The following CFAP20 variants were observed in gnomAD, a reference collection of about 807,000 sequenced individuals.
CFAP20 encodes the protein cilia and flagella associated protein 20.
CFAP20 carries 14 observed loss-of-function variants against 25.5 expected under a neutral mutation model. The observed-to-expected ratio is 0.55, with a 90% CI of 0.36 to 0.86. CFAP20 has a LOEUF of 0.86. Ranked by LOEUF, CFAP20 falls within the 40% of genes least tolerant of loss-of-function variation. CFAP20 has a pLI of 0.01. For missense variants in CFAP20, 181 were observed against 248.0 expected (o/e 0.73, Z 1.81); for synonymous variants, 75 against 91.1 (o/e 0.82, Z 1.01).
chr16:58,115,130 T>C (rs914199480), intron 4 of CFAP20, 139 bp downstream of exon 4: 30 of 1,272,730 alleles, frequency 2.4e-5, no homozygotes, highest in Non-Finnish European at 3.4e-5. Context: ...CCTGGACCTT[T>C]GTGAGGCCAA....
At chr16:58,123,997 T>G (rs139367692) in intron 1 of CFAP20, among the ~76,000 whole-genome samples, 1 of 152,018 alleles carries the variant, frequency 6.6e-6, no homozygotes, top group Non-Finnish European at 1.5e-5. Flanking sequence ...GAGTGAGGCT[T>G]GTGGGGTGGT....
intron 1 of CFAP20, among the ~76,000 whole-genome samples, chr16:58,126,606 G>T (rs1567449342): frequency 6.6e-6 from 1 of 152,156 alleles, no homozygotes; most frequent in Non-Finnish European, 1.5e-5. Flanking sequence ...ACTGGCAAAA[G>T]TCAAGGTCAT....
intron 1 of CFAP20, among the ~76,000 whole-genome samples, chr16:58,125,929 A>G (rs892968867): frequency 6.6e-6 from 1 of 151,666 alleles, no homozygotes; most frequent in Non-Finnish European, 1.5e-5. Context: ...TTATGGCACC[A>G]CTGTCATGTG....
intron 1 of CFAP20, among the ~76,000 whole-genome samples, chr16:58,124,640 AACGATAAAAAGTGAC>A (rs1174370200): frequency 1.2e-4 from 19 of 152,266 alleles, no homozygotes; most frequent in Admixed American, 1.2e-3. Flanking sequence ...GTACTGTATA[AACGATAAAAAGTGAC>A]ACAACTGGAT....
intron 1 of CFAP20, among the ~76,000 whole-genome samples, chr16:58,127,972 A>C (rs1960642628): frequency 6.6e-6 from 1 of 152,154 alleles, no homozygotes; most frequent in Non-Finnish European, 1.5e-5. Flanking sequence ...TTACCAATAA[A>C]TCCTACTGAG....
intron 1 of CFAP20, among the ~76,000 whole-genome samples, chr16:58,123,184 G>A (rs895420893): frequency 2.6e-5 from 4 of 151,448 alleles, no homozygotes; most frequent in African/African-American, 7.3e-5. Flanking sequence ...TAGTAGAGAC[G>A]GGATTTCTTC....
At chr16:58,124,070 T>C (rs1597088930) in intron 1 of CFAP20, among the ~76,000 whole-genome samples, 3 of 152,236 alleles carry the variant, frequency 2.0e-5, no homozygotes, top group Admixed American at 2.0e-4. Flanking sequence ...AGAACAGGAC[T>C]TCCTTCAATT....
In CFAP20 at chr16:58,129,033, T is replaced by C; in HGVS notation, c.83A>G (p.Lys28Arg). 3 of 1,560,048 alleles carry C rather than the reference T, an allele frequency of 1.9e-6. No individual in the cohort carries two copies. The highest frequency in any genetic ancestry group is 2.2e-5 in the South Asian group (2 of 90,200). The change falls in exon 1 of 6, where the codon AAG becomes AGG. Residue 28 changes from lysine to arginine, a missense_variant and splice_region_variant. By Grantham distance (26) the Lys-to-Arg change is conservative. Transcript: ENST00000262498. Reference protein sequence around the residue: ...GSKPLQIWDKKVRNGHIKRIT... With the variant: ...GSKPLQIWDKRVRNGHIKRIT... ...CCCCGTCGCCGCCCCTAGCCCGACC[T>C]TTTTGTCCCAGATTTGCAGAGGCTT...
chr16:58,117,281 AAAC>A (rs1298818575), intron 1 of CFAP20, among the ~76,000 whole-genome samples: 1 of 152,184 alleles, frequency 6.6e-6, no homozygotes, highest in Non-Finnish European at 1.5e-5. Context: ...CACACAATAA[AAAC>A]AACAAGGCAG....
chr16:58,114,762 G>A, intron 5 of CFAP20, 48 bp downstream of exon 5: 2 of 1,465,418 alleles, frequency 1.4e-6, no homozygotes, highest in Non-Finnish European at 1.9e-6. Flanking sequence ...CAGGAACACA[G>A]CTCCCCCCAC....
Position 58,115,008 on chromosome 16 carries a change from GA to G in CFAP20, c.466-89del, listed in dbSNP as rs1251013470. 8 of 1,225,294 alleles carry G rather than the reference GA, an allele frequency of 6.5e-6. No homozygotes were observed. The African/African-American group carries it at 8.9e-5, about 14-fold the overall frequency. 75.9% of individuals were successfully genotyped at this position (1,225,294 alleles called of 1,614,324 possible). A position where few individuals can be genotyped will look rare whatever the true frequency, so the allele number is the denominator to read the frequency against. ...TTCTAGAGGCCCTCTTCCAGGACTG[GA>G]AACGCGTCATCTCCGGCATCTCCTT... is the stretch of plus-strand genomic sequence containing the variant. On this transcript the variant is annotated intron_variant, in intron 4 of 5. Transcript: ENST00000262498.
At chr16:58,125,646 T>C (rs184413530) in intron 1 of CFAP20, among the ~76,000 whole-genome samples, 1 of 152,208 alleles carries the variant, frequency 6.6e-6, no homozygotes, top group African/African-American at 2.4e-5. Context: ...ATTGCACTAC[T>C]GCATTCCAGC....
chr16:58,118,514 A>AC (rs201095163), intron 1 of CFAP20, among the ~76,000 whole-genome samples: 4,680 of 146,472 alleles, frequency 0.032, 94 homozygotes, highest in East Asian at 0.084. Context: ...CAAAAAACGA[A>AC]AAAAAAAAAA....
At chr16:58,117,612 T>C (rs2142365532) in intron 1 of CFAP20, among the ~76,000 whole-genome samples, 1 of 152,158 alleles carries the variant, frequency 6.6e-6, no homozygotes, top group East Asian at 1.9e-4. Flanking sequence ...TTTTTGTATC[T>C]TTAGTAGAGA....
At chr16:58,117,490 G>A (rs1335343885) in intron 1 of CFAP20, among the ~76,000 whole-genome samples, 3 of 152,040 alleles carry the variant, frequency 2.0e-5, no homozygotes, top group Non-Finnish European at 4.4e-5. Context: ...GTGCAATGGC[G>A]CGATCTTGGC....
intron 2 of CFAP20, 29 bp from the exon 3 acceptor site, chr16:58,116,181 C>G (rs373566442): frequency 1.2e-5 from 17 of 1,465,402 alleles, no homozygotes; most frequent in Admixed American, 1.7e-5. Context: ...CTAATAAACA[C>G]ACTCCTGGAC....
chr16:58,128,174 A>G (rs758165826), intron 1 of CFAP20, among the ~76,000 whole-genome samples: 5 of 152,256 alleles, frequency 3.3e-5, no homozygotes, highest in Non-Finnish European at 4.4e-5. Flanking sequence ...AATAAAATGC[A>G]GACCAATTCA....
rs1276623897 is a variant in CFAP20 at position 58,114,658 on chromosome 16, C to T, written c.576+152G>A. ...TCACAGGAGCATTCCTGATTCAGTGCTGGAAGGAGACCTAAGATCTTGCGA... is the reference window on the plus strand; with the variant it reads ...TCACAGGAGCATTCCTGATTCAGTGTTGGAAGGAGACCTAAGATCTTGCGA... On this transcript the variant is annotated intron_variant, in intron 5 of 5. Coordinates refer to ENST00000262498, the MANE Select transcript of CFAP20 (RefSeq NM_013242.3). 17 of 617,900 alleles carry T rather than the reference C, an allele frequency of 2.8e-5. No homozygotes were observed. In the East Asian group the frequency reaches 4.8e-4, roughly 17 times the overall value. The allele number at this position is 617,900 out of a possible 1,614,324, so 38.3% of individuals were successfully genotyped here.
rs373543331 is a variant in CFAP20, at chr16:58,121,552, G to A, written c.85-4601C>T. The stretch of plus-strand genomic sequence containing the variant: ...AAAATAAAAATCTAAAGCCAATATT[G>A]TTTTATTTCATTAATTTCCCCTCCC... On this transcript the variant is annotated intron_variant, in intron 1 of 5. Transcript: ENST00000262498. Among the ~76,000 whole-genome samples, 18 of 152,240 alleles carry A rather than the reference G, an allele frequency of 1.2e-4. No individual in the cohort carries two copies. In the South Asian group the frequency reaches 2.7e-3, roughly 23 times the overall value.
Sources: allele counts gnomAD v4.1 joint callset (sites outside exome capture counted in the v4.1 genomes callset), GRCh38; gene constraint gnomAD v4.1.1; transcripts MANE v1.5; gene names NCBI Gene and HGNC (gene_info 2026-07-23, HGNC 2026-07-21).